The following RYR3 variants were observed in gnomAD, a reference collection of about 807,000 sequenced individuals.
The protein encoded by RYR3 is ryanodine receptor 3.
RYR3 carries 207 observed loss-of-function variants against 584.3 expected under a neutral mutation model. The observed-to-expected ratio is 0.35, with a 90% confidence interval of 0.32 to 0.40. RYR3 has a LOEUF of 0.40. RYR3 is among the 10% of genes least tolerant of loss of function. RYR3 has a pLI of 1.00. For missense variants in RYR3, 5,616 were observed against 6,089.2 expected (o/e 0.92, Z 2.59); for synonymous variants, 2,416 against 2,248.5 (o/e 1.07, Z -2.11).
intron 65 of RYR3, among the ~76,000 whole-genome samples, chr15:33,780,562 T>TGAG (rs941139686): frequency 6.6e-6 from 1 of 152,206 alleles, no homozygotes; most frequent in African/African-American, 2.4e-5. Flanking sequence ...TTCTCTAAAG[T>TGAG]GAGGAGTCAG....
intron 12 of RYR3, among the ~76,000 whole-genome samples, chr15:33,576,688 C>G (rs1219837574): frequency 2.6e-5 from 4 of 152,120 alleles, no homozygotes; most frequent in Non-Finnish European, 5.9e-5. Context: ...TGGAAGCATT[C>G]CCCCTTGAAA....
chr15:33,861,415 C>T (rs949322850), intron 102 of RYR3, among the ~76,000 whole-genome samples: 30 of 151,938 alleles, frequency 2.0e-4, no homozygotes, highest in Middle Eastern at 3.2e-3. Flanking sequence ...GGATTCCATC[C>T]GGGACACATA....
At chr15:33,358,314 G>A (rs979402626) in intron 1 of RYR3, among the ~76,000 whole-genome samples, 1 of 152,210 alleles carries the variant, frequency 6.6e-6, no homozygotes, top group African/African-American at 2.4e-5. Context: ...CTGAGGCACT[G>A]CTGCCCATCT....
chr15:33,737,963 G>A (rs114345748), intron 49 of RYR3, among the ~76,000 whole-genome samples: 1,820 of 152,164 alleles, frequency 0.012, 21 homozygotes, highest in African/African-American at 0.041. Flanking sequence ...CGGGGAGTGG[G>A]GGCAAGGAAA....
rs565711559 is a variant in RYR3 at position 33,576,856 on chromosome 15, A to G, written c.1269-3120A>G. On this transcript the variant is annotated intron_variant, in intron 12 of 103. Coordinates refer to ENST00000634891, the MANE Select transcript of RYR3 (RefSeq NM_001036.6). ...CTGTTTGCAGATGACATGATCCTGT[A>G]TCTAGAAAACCCCATCATCTCAATC... Among the ~76,000 whole-genome samples the G allele has an allele frequency of 7.9e-5, 12 of 152,326 alleles. No individual in the cohort carries two copies. The East Asian group carries it at 2.3e-3, about 29-fold the overall frequency.
intron 1 of RYR3, among the ~76,000 whole-genome samples, chr15:33,431,716 A>G (rs2045168759): frequency 6.6e-6 from 1 of 152,142 alleles, no homozygotes; most frequent in Admixed American, 6.6e-5. Context: ...CAGTGAGCCG[A>G]GCATGCACTC....
chr15:33,427,427 T>C (rs2044741556), intron 1 of RYR3, among the ~76,000 whole-genome samples: 1 of 152,180 alleles, frequency 6.6e-6, no homozygotes, highest in Non-Finnish European at 1.5e-5. Flanking sequence ...AGACCTCATC[T>C]CTAAAAAACA....
chr15:33,651,769 G>A (rs924629775), intron 31 of RYR3, among the ~76,000 whole-genome samples: 4 of 152,218 alleles, frequency 2.6e-5, no homozygotes, highest in Non-Finnish European at 5.9e-5. Flanking sequence ...TAAAGGGGCT[G>A]CTCTTGCATC....
chr15:33,443,030 G>A (rs1346042562), intron 1 of RYR3, among the ~76,000 whole-genome samples: 2 of 152,152 alleles, frequency 1.3e-5, no homozygotes, highest in South Asian at 2.1e-4. Context: ...AGGCCAAGGC[G>A]GGCAGATCAC....
Position 33,862,659 on chromosome 15 carries a change from G to A in RYR3, c.14466-1479G>A, listed in dbSNP as rs537200198. Among the ~76,000 whole-genome samples the A allele has an allele frequency of 1.2e-4, 18 of 152,072 alleles. No homozygotes were observed. In the South Asian group the frequency reaches 3.7e-3, roughly 32 times the overall value. ...TGAGACAGTCTCTGTCACCCAGGCT[G>A]AAGTGCAGTGGCGCCATCTTGGCTC... is the stretch of plus-strand genomic sequence containing the variant. On this transcript the variant is annotated intron_variant, in intron 102 of 103. Coordinates refer to ENST00000634891, the MANE Select transcript of RYR3 (RefSeq NM_001036.6).
At chr15:33,649,586 A>C (rs1220269449) in intron 31 of RYR3, among the ~76,000 whole-genome samples, 1 of 152,242 alleles carries the variant, frequency 6.6e-6, no homozygotes, top group Non-Finnish European at 1.5e-5. Context: ...GCTTGAGAGA[A>C]GTTGATTCAG....
intron 60 of RYR3, among the ~76,000 whole-genome samples, chr15:33,761,415 G>T (rs1029249706): frequency 6.6e-6 from 1 of 152,064 alleles, no homozygotes; most frequent in South Asian, 2.1e-4. Flanking sequence ...TGATAAAGGG[G>T]ATATCACCAC....
At chr15:33,495,980 G>A (rs868257822) in intron 2 of RYR3, among the ~76,000 whole-genome samples, 26 of 152,264 alleles carry the variant, frequency 1.7e-4, no homozygotes, top group African/African-American at 5.8e-4. Flanking sequence ...AGTGCTCAAA[G>A]GTCCTGAAAT....
At chr15:33,785,540 T>G (rs2074653334) in intron 65 of RYR3, 122 bp from the exon 66 acceptor site, 1 of 774,170 alleles carries the variant, frequency 1.3e-6, no homozygotes, top group Middle Eastern at 3.8e-4. Context: ...ACATCCAAGC[T>G]CACTGCTGTG....
At chr15:33,619,032 A>G (rs2060589100) in intron 19 of RYR3, among the ~76,000 whole-genome samples, 1 of 152,214 alleles carries the variant, frequency 6.6e-6, no homozygotes. Flanking sequence ...AATTTCCTCT[A>G]CACATCCCAA....
chr15:33,439,864 C>A (rs1271477400), intron 1 of RYR3, among the ~76,000 whole-genome samples: 3 of 152,124 alleles, frequency 2.0e-5, no homozygotes, highest in Admixed American at 2.0e-4. Context: ...CTTTTTCATT[C>A]ATTAACATAT....
At chr15:33,479,120 TG>T (rs1346395119) in intron 2 of RYR3, among the ~76,000 whole-genome samples, 1 of 152,244 alleles carries the variant, frequency 6.6e-6, no homozygotes, top group Non-Finnish European at 1.5e-5. Context: ...AGTGTGCTAT[TG>T]TTTGAGAGTT....
At chr15:33,404,311 A>T (rs1371597570) in intron 1 of RYR3, among the ~76,000 whole-genome samples, 2 of 152,192 alleles carry the variant, frequency 1.3e-5, no homozygotes, top group East Asian at 3.8e-4. Context: ...CTTTACAATG[A>T]TTCTAAACGA....
chr15:33,864,017 T>C, intron 102 of RYR3, 121 bp from the exon 103 acceptor site: 1 of 657,416 alleles, frequency 1.5e-6, no homozygotes, highest in Non-Finnish European at 2.7e-6. Flanking sequence ...TCCCTGATCA[T>C]TTAAGTCACT....
Sources: gnomAD v4.1 joint callset for allele counts (sites outside exome capture counted in the v4.1 genomes callset) on GRCh38, gnomAD v4.1.1 for gene constraint, MANE v1.5 for transcripts, NCBI Gene and HGNC (gene_info 2026-07-23, HGNC 2026-07-21) for gene names.